NCOA6: variants seen among roughly 807,000 people sequenced by gnomAD.
NCOA6 encodes nuclear receptor coactivator 6.
In NCOA6, 49 loss-of-function variants were observed where a neutral mutation model predicts 171.4. That is an observed-to-expected ratio of 0.29 (90% CI 0.23 to 0.36). The LOEUF is 0.36. Among genes scored for constraint, NCOA6 ranks in the 10% least tolerant of loss-of-function variants. The probability of loss-of-function intolerance (pLI) is 1.00; values close to 1 mark genes in which losing one functional copy is unlikely to be tolerated. For synonymous variants in NCOA6, 910 were observed against 927.5 expected (o/e 0.98, Z 0.34); for missense variants, 2,248 against 2,554.5 (o/e 0.88, Z 2.59).
chr20:34,727,848 C>T (rs1279223205), intron 13 of NCOA6, among the ~76,000 whole-genome samples: 5 of 151,808 alleles, frequency 3.3e-5, no homozygotes, highest in Non-Finnish European at 5.9e-5. Context: ...CTCAGCCTCC[C>T]GAGTAGCTGG....
At chr20:34,820,798 A>G (rs1312141946) in intron 1 of NCOA6, 2 of 152,046 alleles carry the variant, frequency 1.3e-5, no homozygotes, top group African/African-American at 4.8e-5. Context: ...AATTAAAATA[A>G]GCAAGAAACT....
chr20:34,741,497 A>T lies in NCOA6; in HGVS notation c.4759T>A (p.Ser1587Thr). The change falls in exon 11 of 15, where the codon TCC becomes ACC. Residue 1587 changes from serine to threonine, a missense_variant. Ser to Thr is a moderately conservative substitution (Grantham distance 58). This residue lies in a region of NCOA6 where 884 missense variants were observed against 941.9 expected (regional missense o/e 0.94). Coordinates refer to ENST00000359003, the MANE Select transcript of NCOA6 (RefSeq NM_014071.5). The stretch of plus-strand genomic sequence containing the variant: ...TTTGGGGGCAAGGGAGTGGAAATGG[A>T]GGAAGAGCTAACAGGTCTTGACATT... Reference protein sequence around the residue: ...PVMSRPVSSSSISTPLPPNQI... With the variant: ...PVMSRPVSSSTISTPLPPNQI... 1 of 1,614,188 alleles carries T rather than the reference A, an allele frequency of 6.2e-7. No individual in the cohort carries two copies. Among genetic ancestry groups the T allele is most frequent in the Non-Finnish European group, 8.5e-7 (1 of 1,180,024 alleles).
At chr20:34,774,078 G>A (rs76822406) in intron 4 of NCOA6, among the ~76,000 whole-genome samples, 1 of 152,176 alleles carries the variant, frequency 6.6e-6, no homozygotes, top group Non-Finnish European at 1.5e-5. Flanking sequence ...TGGCTATAAT[G>A]TTAAGGGAGA....
chr20:34,792,593 A>C (rs2077923088), intron 1 of NCOA6, 30 bp from the exon 2 acceptor site: 1 of 398,352 alleles, frequency 2.5e-6, no homozygotes. Context: ...ACAACAACAA[A>C]AAGAGAGAGA....
chr20:34,821,967 A>G (rs994529139), intron 1 of NCOA6, among the ~76,000 whole-genome samples: 4 of 152,106 alleles, frequency 2.6e-5, no homozygotes, highest in African/African-American at 9.7e-5. Context: ...GCCACTCACA[A>G]TGTCAATAAT....
intron 4 of NCOA6, among the ~76,000 whole-genome samples, chr20:34,772,762 G>T (rs1274186394): frequency 6.6e-6 from 1 of 152,096 alleles, no homozygotes; most frequent in African/African-American, 2.4e-5. Context: ...CAAGGCTGGG[G>T]GATGCACGTC....
In NCOA6 at chr20:34,741,706, G is replaced by A. The variant is rs201957178; in HGVS notation, c.4550C>T (p.Pro1517Leu). ...PPGLTDLEVT[P>L]PVVSGEDLKK... ...GAGGTCCTCCCCAGAAACTACTGGA[G>A]GTGTTACTTCCAGATCTGTAAGCCC... Residue 1517 changes from proline to leucine, a missense_variant, in exon 11 of 15, where the codon CCT becomes CTT. Pro to Leu is a moderately conservative substitution (Grantham distance 98). Coordinates refer to ENST00000359003, the MANE Select transcript of NCOA6 (RefSeq NM_014071.5). 4.9e-5 allele frequency: 79 copies of A among 1,614,072 alleles called. No homozygotes were observed. The highest frequency in any genetic ancestry group is 4.0e-5 in the African/African-American group (3 of 74,934).
At chr20:34,810,296 C>T (rs1160663107) in intron 1 of NCOA6, among the ~76,000 whole-genome samples, 1 of 152,102 alleles carries the variant, frequency 6.6e-6, no homozygotes, top group Non-Finnish European at 1.5e-5. Context: ...AAATGAAGTC[C>T]TTCATATCAC....
chr20:34,725,469 T>C (rs1989854191), intron 14 of NCOA6, among the ~76,000 whole-genome samples: 1 of 152,052 alleles, frequency 6.6e-6, no homozygotes. Flanking sequence ...CACAGGCTTG[T>C]GATCAGAGGA....
rs142115294 is a variant in NCOA6 at position 34,750,087 on chromosome 20, C to T, written c.2108G>A (p.Gly703Glu). The part of the protein sequence containing the change: ...APHNQMMGPQ[G>E]QVLLQQNPMI... ...TGGGTTCTGTTGGAGCAAAACCTGC[C>T]CCTGAGGCCCCATCATCTGGTTATG... The change falls in exon 9 of 15, where the codon GGG becomes GAG. Residue 703 changes from glycine to glutamate, a missense_variant. Transcript: ENST00000359003. 2.6e-5 allele frequency: 42 copies of T among 1,614,174 alleles called. No individual in the cohort carries two copies. The East Asian group carries it at 9.4e-4, about 36-fold the overall frequency.
chr20:34,807,607 G>C (rs1404139599), intron 1 of NCOA6, among the ~76,000 whole-genome samples: 1 of 152,004 alleles, frequency 6.6e-6, no homozygotes, highest in Non-Finnish European at 1.5e-5. Flanking sequence ...CTCACTGCAA[G>C]CTCCGCCTCC....
intron 1 of NCOA6, among the ~76,000 whole-genome samples, chr20:34,822,491 C>A (rs2079036404): frequency 6.6e-6 from 1 of 152,190 alleles, no homozygotes; most frequent in African/African-American, 2.4e-5. Context: ...CTTCGCAACA[C>A]CTTCCCTGAT....
chr20:34,730,237 T>C (rs1990449319), intron 13 of NCOA6, among the ~76,000 whole-genome samples: 1 of 148,244 alleles, frequency 6.7e-6, no homozygotes, highest in Non-Finnish European at 1.5e-5. Flanking sequence ...ACCAGCTAAT[T>C]TTTTATTAAT....
chr20:34,781,741 A>G (rs1364007047), intron 3 of NCOA6, among the ~76,000 whole-genome samples: 1 of 152,254 alleles, frequency 6.6e-6, no homozygotes, highest in African/African-American at 2.4e-5. Flanking sequence ...GTATATTATA[A>G]GCAGATTCAT....
At chr20:34,764,318 A>T (rs1295827386) in intron 5 of NCOA6, among the ~76,000 whole-genome samples, 1 of 152,100 alleles carries the variant, frequency 6.6e-6, no homozygotes, top group East Asian at 1.9e-4. Context: ...CCATCTCCTG[A>T]CCTTGTGATC....
chr20:34,753,106 G>C (rs1378207395), intron 8 of NCOA6, among the ~76,000 whole-genome samples: 1 of 150,152 alleles, frequency 6.7e-6, no homozygotes, highest in African/African-American at 2.4e-5. Flanking sequence ...GCAGTGGCGT[G>C]ATCTCAGCTC....
intron 1 of NCOA6, among the ~76,000 whole-genome samples, chr20:34,795,471 T>C (rs1417265449): frequency 6.6e-6 from 1 of 152,208 alleles, no homozygotes; most frequent in African/African-American, 2.4e-5. Context: ...TCAACGTAAT[T>C]TCTCCTTCAC....
intron 1 of NCOA6, among the ~76,000 whole-genome samples, chr20:34,811,782 T>G (rs939370523): frequency 1.3e-5 from 2 of 152,222 alleles, no homozygotes; most frequent in African/African-American, 2.4e-5. Flanking sequence ...TTTAAAAAAT[T>G]AAGTTGGCCT....
chr20:34,746,676 G>T (rs938724470), intron 10 of NCOA6, 131 bp downstream of exon 10: 12 of 1,094,222 alleles, frequency 1.1e-5, no homozygotes, highest in African/African-American at 1.6e-5. Context: ...CCAAATACCA[G>T]ACACATTAAA....
Sources: allele counts gnomAD v4.1 joint callset (sites outside exome capture counted in the v4.1 genomes callset), GRCh38; gene constraint gnomAD v4.1.1; regional missense constraint gnomAD v4.1.1; transcripts MANE v1.5; gene names NCBI Gene and HGNC (gene_info 2026-07-23, HGNC 2026-07-21).